Variants in HHIPL1 observed in about 807,000 individuals in gnomAD.
HHIPL1 encodes HHIP like 1.
A neutral mutation model predicts 61.8 loss-of-function variants in HHIPL1; 43 were observed. The observed-to-expected ratio is 0.70, with a 90% confidence interval of 0.55 to 0.90. The LOEUF is 0.90. Ranked by LOEUF, HHIPL1 falls within the 40% of genes least tolerant of loss-of-function variation. The pLI, the probability that HHIPL1 is intolerant of heterozygous loss-of-function variation, is 0.00. For synonymous variants in HHIPL1, 482 were observed against 515.8 expected, an observed-to-expected ratio of 0.93 and a Z score of 0.89; for missense variants, 1,056 against 1,157.7, an observed-to-expected ratio of 0.91 and a Z score of 1.28.
At chr14:99,626,991 G>C in the HHIPL1 span, among the ~76,000 whole-genome samples, 1 of 152,164 alleles carries the variant, frequency 6.6e-6, no homozygotes, top group African/African-American at 2.4e-5. Context: ...GGGACTGTGT[G>C]TGACATGGAG....
At chr14:99,669,252 G>A (rs1271543747) in intron 7 of HHIPL1, 1 of 1,096,332 alleles carries the variant, frequency 9.1e-7, no homozygotes, top group African/African-American at 1.6e-5. Context: ...AACACTTGAT[G>A]AATAAATGAG....
intron 3 of HHIPL1, among the ~76,000 whole-genome samples, chr14:99,658,810 T>A (rs949546958): frequency 2.0e-4 from 6 of 29,566 alleles, no homozygotes; most frequent in Non-Finnish European, 4.6e-4. Flanking sequence ...TTGCAATCCT[T>A]CATTCACTGA....
At chr14:99,611,576 G>A in the HHIPL1 span, among the ~76,000 whole-genome samples, 118 of 139,594 alleles carry the variant, frequency 8.5e-4, no homozygotes, top group African/African-American at 3.0e-3. Flanking sequence ...GTGAGCCACC[G>A]TGCCTGGCCT....
At chr14:99,605,008 G>C in the HHIPL1 span, among the ~76,000 whole-genome samples, 1 of 152,132 alleles carries the variant, frequency 6.6e-6, no homozygotes. Context: ...GCCCCTGCAG[G>C]GCCAGGGCCT....
At chr14:99,610,111 G>A in the HHIPL1 span, among the ~76,000 whole-genome samples, 2 of 152,266 alleles carry the variant, frequency 1.3e-5, no homozygotes, top group East Asian at 3.9e-4. Context: ...GAAATTCTCC[G>A]CCTGCCCCTT....
chr14:99,614,025 C>T, the HHIPL1 span, among the ~76,000 whole-genome samples: 1 of 152,226 alleles, frequency 6.6e-6, no homozygotes, highest in Non-Finnish European at 1.5e-5. Context: ...TTGAAAAACC[C>T]TGGATGTAAA....
At chr14:99,616,016 G>T in the HHIPL1 span, among the ~76,000 whole-genome samples, 4 of 152,302 alleles carry the variant, frequency 2.6e-5, no homozygotes, top group South Asian at 8.3e-4. Context: ...ATCCAATCAG[G>T]CCATACCATG....
At chr14:99,669,023 G>C (rs2056295466) in intron 7 of HHIPL1, 1 of 1,504,026 alleles carries the variant, frequency 6.6e-7, no homozygotes, top group Non-Finnish European at 8.8e-7. Context: ...TTGGCTGTGT[G>C]CCTTCACCTC....
At chr14:99,635,229 G>A in the HHIPL1 span, among the ~76,000 whole-genome samples, 254 of 152,312 alleles carry the variant, frequency 1.7e-3, no homozygotes, top group African/African-American at 5.6e-3. Flanking sequence ...CAGTTGGGGC[G>A]TCCAGGGAAC....
intron 6 of HHIPL1, among the ~76,000 whole-genome samples, chr14:99,667,999 A>G (rs914728352): frequency 2.6e-5 from 4 of 152,176 alleles, no homozygotes; most frequent in Non-Finnish European, 4.4e-5. Flanking sequence ...TGACACCCGG[A>G]AGACCAGGCT....
chr14:99,643,732 G>A (rs2055783685), upstream of HHIPL1, among the ~76,000 whole-genome samples: 1 of 152,230 alleles, frequency 6.6e-6, no homozygotes, highest in African/African-American at 2.4e-5. Flanking sequence ...GCTAGGTTCA[G>A]CCAATGAAAG....
Position 99,679,191 on chromosome 14 carries a change from CA to C in HHIPL1, c.*3566del, listed in dbSNP as rs2056417413. On this transcript the variant is annotated 3_prime_UTR_variant, in exon 9 of 9. Transcript: ENST00000330710. Reference sequence around the variant, plus strand: ...AGGGCATTGAAAGCCAGCCCCACCCCACTGGGACACAAGTTCAGAGAAGGGC... The same window carrying C: ...AGGGCATTGAAAGCCAGCCCCACCCCCTGGGACACAAGTTCAGAGAAGGGC... 1 of 152,274 alleles carries C rather than the reference CA, an allele frequency of 6.6e-6. No individual in the cohort carries two copies. 9.4% of individuals were successfully genotyped at this position (152,274 alleles called of 1,614,324 possible). A position where few individuals can be genotyped will look rare whatever the true frequency, so the allele number is the denominator to read the frequency against.
chr14:99,609,757 G>A, the HHIPL1 span, among the ~76,000 whole-genome samples: 1,601 of 152,336 alleles, frequency 0.011, 28 homozygotes, highest in African/African-American at 0.037. Flanking sequence ...CAGGAAGTCC[G>A]CACTGCACAG....
upstream of HHIPL1, among the ~76,000 whole-genome samples, chr14:99,644,870 G>A (rs901459025): frequency 6.6e-6 from 1 of 152,194 alleles, no homozygotes; most frequent in Non-Finnish European, 1.5e-5. Context: ...CCAGGCCTCT[G>A]GCCCTGCGCC....
chr14:99,620,338 T>C, the HHIPL1 span, among the ~76,000 whole-genome samples: 12 of 152,268 alleles, frequency 7.9e-5, no homozygotes, highest in African/African-American at 2.9e-4. Flanking sequence ...TTCTGGCCCC[T>C]GGCCTCTCCA....
chr14:99,666,245 G>A (rs2056242908), intron 6 of HHIPL1, among the ~76,000 whole-genome samples: 1 of 152,242 alleles, frequency 6.6e-6, no homozygotes, highest in African/African-American at 2.4e-5. Context: ...GGGGAGAACA[G>A]GACTGAGAGA....
At chr14:99,646,245 A>C (rs1490964879) in intron 1 of HHIPL1, among the ~76,000 whole-genome samples, 1 of 152,238 alleles carries the variant, frequency 6.6e-6, no homozygotes, top group Non-Finnish European at 1.5e-5. Context: ...TGCCTGGCTG[A>C]ATGCAGAAAT....
chr14:99,665,440 C>T (rs1309149992), intron 6 of HHIPL1, among the ~76,000 whole-genome samples: 1 of 152,176 alleles, frequency 6.6e-6, no homozygotes, highest in Non-Finnish European at 1.5e-5. Flanking sequence ...GTCAGATCAC[C>T]TCTTCCTTTT....
At chr14:99,667,490 A>G (rs1329560315) in intron 6 of HHIPL1, among the ~76,000 whole-genome samples, 1 of 152,040 alleles carries the variant, frequency 6.6e-6, no homozygotes, top group Non-Finnish European at 1.5e-5. Context: ...CAACGGTTAC[A>G]TTTTCAGCGC....
Sources: gnomAD v4.1 joint callset for allele counts (sites outside exome capture counted in the v4.1 genomes callset) on GRCh38, gnomAD v4.1.1 for gene constraint, MANE v1.5 for transcripts, NCBI Gene and HGNC (gene_info 2026-07-23, HGNC 2026-07-21) for gene names.